Variants in ZDHHC2 observed in about 807,000 individuals in gnomAD.
The protein encoded by ZDHHC2 is zDHHC palmitoyltransferase 2.
In ZDHHC2, 51 loss-of-function variants were observed where a neutral mutation model predicts 55.6. That is an observed-to-expected ratio of 0.92 (90% CI 0.73 to 1.16). The LOEUF is 1.16. Among genes scored for constraint, ZDHHC2 ranks in the 50% most tolerant of loss-of-function variants. The pLI is 0.00. For synonymous variants in ZDHHC2, 199 were observed against 152.9 expected (o/e 1.30, Z -2.22); for missense variants, 491 against 442.4 (o/e 1.11, Z -0.99).
intron 3 of ZDHHC2, among the ~76,000 whole-genome samples, chr8:17,194,398 G>T (rs1005216315): frequency 1.3e-5 from 2 of 148,838 alleles, no homozygotes; most frequent in Non-Finnish European, 1.5e-5. Context: ...ACTACTTAAA[G>T]AATAATTAAG....
chr8:17,198,347 G>C (rs374540276), intron 5 of ZDHHC2, 34 bp from the exon 6 acceptor site: 4 of 1,561,328 alleles, frequency 2.6e-6, no homozygotes, highest in African/African-American at 2.7e-5. Context: ...AATTTCATGG[G>C]GTATTAGGTT....
intron 6 of ZDHHC2, among the ~76,000 whole-genome samples, chr8:17,203,878 G>C (rs1806953364): frequency 6.8e-6 from 1 of 147,612 alleles, no homozygotes; most frequent in Non-Finnish European, 1.5e-5. Context: ...CGCAATCTCA[G>C]CTCACTGCAC....
chr8:17,193,105 TC>T (rs1479433171), intron 3 of ZDHHC2, among the ~76,000 whole-genome samples: 1 of 152,214 alleles, frequency 6.6e-6, no homozygotes, highest in Non-Finnish European at 1.5e-5. Context: ...ATGTGAGTCT[TC>T]CAGTTTTGTT....
chr8:17,168,225 G>C (rs1657107473), intron 1 of ZDHHC2, among the ~76,000 whole-genome samples: 1 of 152,166 alleles, frequency 6.6e-6, no homozygotes, highest in South Asian at 2.1e-4. Context: ...TGAATCTCAA[G>C]CACTGAGAAT....
At chr8:17,199,515 G>T (rs138194594) in intron 6 of ZDHHC2, among the ~76,000 whole-genome samples, 920 of 34,970 alleles carry the variant, frequency 0.026, 14 homozygotes, top group Non-Finnish European at 0.051. Flanking sequence ...CTTCTTCTTC[G>T]TCTTCGTCTT....
chr8:17,198,279 C>G (rs1428145270), intron 5 of ZDHHC2, 102 bp from the exon 6 acceptor site: 2 of 1,109,256 alleles, frequency 1.8e-6, no homozygotes, highest in South Asian at 2.1e-5. Flanking sequence ...CAATATTTTA[C>G]TTGCCGCAGC....
intron 7 of ZDHHC2, among the ~76,000 whole-genome samples, chr8:17,207,680 T>G (rs1807169668): frequency 6.6e-6 from 1 of 152,174 alleles, no homozygotes; most frequent in Non-Finnish European, 1.5e-5. Flanking sequence ...TTACAGTTTA[T>G]ACATATACTA....
In ZDHHC2 at chr8:17,209,791, G is replaced by C. The variant is rs1468656861; in HGVS notation, c.731-141G>C. 8 of 905,162 alleles carry C rather than the reference G, an allele frequency of 8.8e-6. No individual in the cohort carries two copies. The East Asian group carries it at 2.3e-4, about 26-fold the overall frequency. 56.1% of individuals were successfully genotyped at this position (905,162 alleles called of 1,614,324 possible). ...AATGGACACCCTATATTTCAGGGCT[G>C]TTGACAGGCACATAAGCCCTCACAG... On this transcript the variant is annotated intron_variant, in intron 8 of 12. Transcript: ENST00000262096.
In ZDHHC2 at chr8:17,156,878, C is replaced by T. The variant is rs764906323; in HGVS notation, c.130+25C>T. The T allele has an allele frequency of 4.6e-5, 68 of 1,480,218 alleles. 1 individual carries two copies. In the Middle Eastern group the frequency reaches 8.6e-4, roughly 19 times the overall value. 91.7% of individuals were successfully genotyped at this position (1,480,218 alleles called of 1,614,324 possible). On this transcript the variant is annotated intron_variant, in intron 1 of 12. Coordinates refer to ENST00000262096, the MANE Select transcript of ZDHHC2 (RefSeq NM_016353.5). ...GGTGAGTGCGCCCCCCGCCGCGGCG[C>T]CCCCAGCGCAGCGCAGCCCACCCCG...
chr8:17,197,764 C>A, intron 5 of ZDHHC2, 113 bp downstream of exon 5: 1 of 1,188,866 alleles, frequency 8.4e-7, no homozygotes, highest in Non-Finnish European at 1.2e-6. Flanking sequence ...GCTTCTCAGC[C>A]CTTGATTTAG....
Position 17,213,412 on chromosome 8 carries a change from C to T in ZDHHC2, c.951-1825C>T, listed in dbSNP as rs114180336. On this transcript the variant is annotated intron_variant, in intron 10 of 12. Transcript: ENST00000262096. ...GGAATTACATGTACACCACAATGCC[C>T]GGCTAATTTTTGTATTTTTAGGAGA... Among the ~76,000 whole-genome samples the T allele has an allele frequency of 7.3e-3, 1,110 of 151,996 alleles. 14 individuals are homozygous for T. Among genetic ancestry groups the T allele is most frequent in the African/African-American group, 0.026 (1,060 of 41,448 alleles).
chr8:17,182,272 C>T lies in ZDHHC2; in HGVS notation c.131-2517C>T, dbSNP rs200292334. Among the ~76,000 whole-genome samples the T allele has an allele frequency of 2.0e-5, 3 of 151,946 alleles. No individual in the cohort carries two copies. In the East Asian group the frequency reaches 5.8e-4, roughly 29 times the overall value. ...ATTTCTGTCCAGAATATATAAAAGGCTCTCAGTAACTAAGTAGGCCAATAG... is the reference window on the plus strand; with the variant it reads ...ATTTCTGTCCAGAATATATAAAAGGTTCTCAGTAACTAAGTAGGCCAATAG... On this transcript the variant is annotated intron_variant, in intron 1 of 12. Transcript: ENST00000262096.
chr8:17,158,658 A>G (rs1405246164), intron 1 of ZDHHC2, among the ~76,000 whole-genome samples: 1 of 152,256 alleles, frequency 6.6e-6, no homozygotes, highest in Non-Finnish European at 1.5e-5. Context: ...ACAAATCTAG[A>G]GTATCCATAA....
intron 10 of ZDHHC2, among the ~76,000 whole-genome samples, chr8:17,214,294 T>C (rs778847546): frequency 2.6e-5 from 4 of 152,188 alleles, no homozygotes; most frequent in African/African-American, 7.2e-5. Flanking sequence ...AGACTGAACA[T>C]TGGGTTTGTA....
At chr8:17,211,330 TG>T (rs1807376835) in intron 10 of ZDHHC2, among the ~76,000 whole-genome samples, 1 of 152,130 alleles carries the variant, frequency 6.6e-6, no homozygotes, top group Admixed American at 6.5e-5. Flanking sequence ...GTTGCTGCAG[TG>T]CCACATACAC....
chr8:17,159,904 C>G (rs1804251063), intron 1 of ZDHHC2, among the ~76,000 whole-genome samples: 1 of 152,292 alleles, frequency 6.6e-6, no homozygotes, highest in Non-Finnish European at 1.5e-5. Context: ...TCCTGTCCCT[C>G]TCTCCACTCC....
chr8:17,218,849 A>T (rs1215010647), intron 12 of ZDHHC2, among the ~76,000 whole-genome samples: 7 of 152,190 alleles, frequency 4.6e-5, no homozygotes, highest in African/African-American at 1.7e-4. Flanking sequence ...TAGAAACTAG[A>T]CTTTTAAAAA....
At chr8:17,213,227 G>A (rs766232897) in intron 10 of ZDHHC2, among the ~76,000 whole-genome samples, 8 of 151,450 alleles carry the variant, frequency 5.3e-5, no homozygotes, top group South Asian at 2.1e-4. Context: ...AACTTTCTCC[G>A]CCTCTTCCTG....
intron 1 of ZDHHC2, among the ~76,000 whole-genome samples, chr8:17,182,745 G>A (rs935167605): frequency 6.6e-6 from 1 of 152,020 alleles, no homozygotes; most frequent in Non-Finnish European, 1.5e-5. Flanking sequence ...TTAGCAACTC[G>A]TACCAACTAC....
Sources: allele counts gnomAD v4.1 joint callset (sites outside exome capture counted in the v4.1 genomes callset), GRCh38; gene constraint gnomAD v4.1.1; transcripts MANE v1.5; gene names NCBI Gene and HGNC (gene_info 2026-07-23, HGNC 2026-07-21).